Variants in ABCA7 observed in about 807,000 individuals in gnomAD.
ABCA7 encodes ATP binding cassette subfamily A member 7, also known as phospholipid-transporting ATPase ABCA7.
A neutral mutation model predicts 227.6 loss-of-function variants in ABCA7; 261 were observed. The observed-to-expected ratio is 1.15, with a 90% CI of 1.04 to 1.27. The LOEUF is 1.27. ABCA7 is among the 50% of genes most tolerant of loss of function. The probability of loss-of-function intolerance (pLI) is 0.00; values close to 1 mark genes in which losing one functional copy is unlikely to be tolerated. For synonymous variants in ABCA7, 1,488 were observed against 1,279.7 expected, an observed-to-expected ratio of 1.16 and a Z score of -3.47; for missense variants, 3,331 against 2,924.5, an observed-to-expected ratio of 1.14 and a Z score of -3.21.
intron 19 of ABCA7, 23 bp downstream of exon 19, chr19:1,051,075 T>TGCA: frequency 6.2e-7 from 1 of 1,610,080 alleles, no homozygotes; most frequent in Admixed American, 1.7e-5. Flanking sequence ...AGGCCCAGAG[T>TGCA]GCAGCGGTGG....
Position 1,045,025 on chromosome 19 carries a change from G to C in ABCA7, c.1239G>C (p.Glu413Asp). Residue 413 changes from glutamate to aspartate, a missense_variant, in exon 12 of 47, where the codon GAG (glutamate) becomes GAC (aspartate). Glu to Asp is a conservative substitution (Grantham distance 45). Transcript: ENST00000263094. ...AGTGCCTGTCCTTGGACAAGCTGGAGGCGGCACCCTCAGAGGCAGCCCTGG... is the reference window on the plus strand; with the variant it reads ...AGTGCCTGTCCTTGGACAAGCTGGACGCGGCACCCTCAGAGGCAGCCCTGG... ...VTECLSLDKL[E>D]AAPSEAALVS... The C allele has an allele frequency of 6.2e-7, 1 of 1,612,752 alleles. No homozygotes were observed. Among genetic ancestry groups the C allele is most frequent in the Non-Finnish European group, 8.5e-7 (1 of 1,179,958 alleles).
rs2040005658 is a variant in ABCA7 at position 1,041,279 on chromosome 19, G to A, written c.-83G>A. 7 of 1,366,410 alleles carry A rather than the reference G, an allele frequency of 5.1e-6. No homozygotes were observed. Among genetic ancestry groups the A allele is most frequent in the Non-Finnish European group, 7.3e-6 (7 of 958,536 alleles). The allele number at this position is 1,366,410 out of a possible 1,614,324, so 84.6% of individuals were successfully genotyped here. A position where few individuals can be genotyped will look rare whatever the true frequency, so the allele number is the denominator to read the frequency against. Reference sequence around the variant, plus strand: ...AAGGAATGAGGTTCAGAAAGGGGCAGGGAGTTGCCCGCAGCCGCACCGCAC... The same window carrying A: ...AAGGAATGAGGTTCAGAAAGGGGCAAGGAGTTGCCCGCAGCCGCACCGCAC... On this transcript the variant is annotated 5_prime_UTR_variant, in exon 2 of 47. Transcript: ENST00000263094.
intron 6 of ABCA7, 71 bp from the exon 7 acceptor site, chr19:1,042,675 G>A: frequency 6.8e-7 from 1 of 1,479,774 alleles, no homozygotes; most frequent in African/African-American, 1.4e-5. Flanking sequence ...GTCTGCCTGG[G>A]AACTGGCCAG....
chr19:1,045,986 G>T (rs113327101), intron 12 of ABCA7, among the ~76,000 whole-genome samples: 13,576 of 152,264 alleles, frequency 0.089, 714 homozygotes, highest in South Asian at 0.18. Context: ...CAGCCTGGGC[G>T]ATAGAGCGAG....
chr19:1,059,790 C>T (rs191456916), intron 40 of ABCA7, among the ~76,000 whole-genome samples: 1 of 152,026 alleles, frequency 6.6e-6, no homozygotes, highest in Admixed American at 6.6e-5. Context: ...TCTCGATCTC[C>T]TGACCTCATG....
intron 16 of ABCA7, among the ~76,000 whole-genome samples, chr19:1,047,914 C>T (rs1163550397): frequency 8.5e-5 from 13 of 152,318 alleles, no homozygotes; most frequent in Admixed American, 5.9e-4. Context: ...AGTCGCCGGG[C>T]GCTGTGGCTC....
In ABCA7 at chr19:1,047,231, G is replaced by A. The variant is rs2040785028; in HGVS notation, c.1920G>A (p.Val640=). 1.9e-6 allele frequency: 3 copies of A among 1,608,416 alleles called. No homozygotes were observed. The highest frequency in any genetic ancestry group is 3.3e-5 in the Admixed American group (2 of 59,818). The stretch of plus-strand genomic sequence containing the variant: ...TGGCAGCCTTCGCGGTGGCCACGGT[G>A]ACCCAGAGCTTCCTGCTCAGCGCCT... ...LFLAAFAVAT[V]TQSFLLSAFF... The change falls in exon 15 of 47, where the codon GTG becomes GTA. Residue 640 remains valine (V), a synonymous_variant. Transcript: ENST00000263094.
intron 9 of ABCA7, 34 bp downstream of exon 9, chr19:1,043,507 G>T (rs781511863): frequency 6.2e-7 from 1 of 1,612,868 alleles, no homozygotes; most frequent in Admixed American, 1.7e-5. Context: ...GTGGGAGGGT[G>T]GTGGCCAGAG....
At position 1,064,593 on chromosome 19, in the gene ABCA7, CGGGGGTATTTATTGTGTG is replaced by C; in HGVS notation, c.6045-335_6045-318del. 1.6e-5 allele frequency: 5 copies of C among 303,776 alleles called. No homozygotes were observed. The South Asian group carries it at 1.7e-4, about 11-fold the overall frequency. 18.8% of individuals were successfully genotyped at this position (303,776 alleles called of 1,614,324 possible). ...TGGGCGGGGCCATAGGAAAGTGGGGCGGGGGTATTTATTGTGTGGGCGGGGGTAGAGTGCAAGGGCGAA... is the reference window on the plus strand; with the variant it reads ...TGGGCGGGGCCATAGGAAAGTGGGGCGGCGGGGGTAGAGTGCAAGGGCGAA... On this transcript the variant is annotated intron_variant, in intron 45 of 46. Transcript: ENST00000263094.
At chr19:1,057,203 G>A in intron 34 of ABCA7, 111 bp from the exon 35 acceptor site, 1 of 1,552,184 alleles carries the variant, frequency 6.4e-7, no homozygotes, top group Admixed American at 1.7e-5. Flanking sequence ...GATTGTGGGA[G>A]ACTTTGTGCC....
rs1444321087 is a variant in ABCA7, at chr19:1,043,842, G to A, written c.1047+1G>A. On this transcript the variant is annotated splice_donor_variant, in intron 10 of 46. Transcript: ENST00000263094. LOFTEE classifies it high-confidence loss of function. Reference sequence around the variant, plus strand: ...CAGTTCCAATGTGGCCATGCTGCAGGTGTGCGGGGGTGCTGGGGAGGTGGG... The same window carrying A: ...CAGTTCCAATGTGGCCATGCTGCAGATGTGCGGGGGTGCTGGGGAGGTGGG... 6.2e-6 allele frequency: 10 copies of A among 1,612,778 alleles called. No individual in the cohort carries two copies. The highest frequency in any genetic ancestry group is 2.2e-5 in the South Asian group (2 of 91,076).
At chr19:1,057,805 G>T in intron 35 of ABCA7, 110 bp from the exon 36 acceptor site, 2 of 1,335,262 alleles carry the variant, frequency 1.5e-6, no homozygotes, top group South Asian at 2.8e-5. Context: ...AATGTGCTTT[G>T]GGTGAAAATG....
intron 16 of ABCA7, among the ~76,000 whole-genome samples, chr19:1,047,878 C>G (rs2040872450): frequency 6.6e-6 from 1 of 152,188 alleles, no homozygotes; most frequent in East Asian, 1.9e-4. Context: ...CGCCCTGATT[C>G]CAGGTGTATG....
In ABCA7 at chr19:1,049,350, C is replaced by T. The variant is rs1568302230; in HGVS notation, c.2465C>T (p.Pro822Leu). Reference sequence around the variant, plus strand: ...AAGCGCTTTCCTGGAAGCCCGCAGCCAGCCCTGCGGGGGCTCAGCCTGGAC... The same window carrying T: ...AAGCGCTTTCCTGGAAGCCCGCAGCTAGCCCTGCGGGGGCTCAGCCTGGAC... The part of the protein sequence containing the change: ...LEKRFPGSPQ[P>L]ALRGLSLDFY... The change falls in exon 18 of 47, where the codon CCA (proline) becomes CTA (leucine). Residue 822 changes from proline (P) to leucine (L), a missense_variant. Coordinates refer to ENST00000263094, the MANE Select transcript of ABCA7 (RefSeq NM_019112.4). The T allele has an allele frequency of 1.9e-6, 3 of 1,611,632 alleles. No homozygotes were observed. The highest frequency in any genetic ancestry group is 2.2e-5 in the East Asian group (1 of 44,866).
chr19:1,057,348 T>C lies in ABCA7; in HGVS notation c.4799T>C (p.Leu1600Pro), dbSNP rs199501189. The C allele has an allele frequency of 8.1e-6, 13 of 1,613,960 alleles. No individual in the cohort carries two copies. Among genetic ancestry groups the C allele is most frequent in the Non-Finnish European group, 1.1e-5 (13 of 1,180,008 alleles). Residue 1600 changes from leucine to proline, a missense_variant, in exon 35 of 47, where the codon CTC (leucine) becomes CCC (proline). Physicochemically the swap from Leu to Pro is moderately conservative, Grantham distance 98. Transcript: ENST00000263094. ...TTGGTGCCAGCATGCATCGTGGTGCTCATCTTTCTGGCCTTCCAGCAGAGG... is the reference window on the plus strand; with the variant it reads ...TTGGTGCCAGCATGCATCGTGGTGCCCATCTTTCTGGCCTTCCAGCAGAGG... ...NYLVPACIVV[L>P]IFLAFQQRAY...
intron 42 of ABCA7, 69 bp from the exon 43 acceptor site, chr19:1,063,475 G>C: frequency 6.4e-7 from 1 of 1,560,354 alleles, no homozygotes; most frequent in Non-Finnish European, 8.7e-7. Flanking sequence ...TGCTGGCCCC[G>C]CCACACTGTG....
Position 1,063,691 on chromosome 19 carries a change from G to T in ABCA7, c.5847+13G>T. 6.3e-7 allele frequency: 1 copy of T among 1,577,760 alleles called. No individual in the cohort carries two copies. The highest frequency in any genetic ancestry group is 8.6e-7 in the Non-Finnish European group (1 of 1,163,394). On this transcript the variant is annotated intron_variant, in intron 43 of 46. Transcript: ENST00000263094. Reference sequence around the variant, plus strand: ...CGTGGTGTTTCTGGTGCGTGGGAGCGGTGCCTGGGTGGGGTGGGGCCTGCG... The same window carrying T: ...CGTGGTGTTTCTGGTGCGTGGGAGCTGTGCCTGGGTGGGGTGGGGCCTGCG...
chr19:1,041,203 C>A, intron 1 of ABCA7, 22 bp from the exon 2 acceptor site: 1 of 757,824 alleles, frequency 1.3e-6, no homozygotes, highest in Non-Finnish European at 2.3e-6. Context: ...CGAGTGACTA[C>A]TGTTTGCCTC....
At chr19:1,049,087 A>C in intron 17 of ABCA7, 82 bp downstream of exon 17, 1 of 970,542 alleles carries the variant, frequency 1.0e-6, no homozygotes, top group Non-Finnish European at 1.5e-6. Flanking sequence ...GATGCCAATG[A>C]CAATGACCTG....
Sources: gnomAD v4.1 joint callset for allele counts (sites outside exome capture counted in the v4.1 genomes callset) on GRCh38, gnomAD v4.1.1 for gene constraint, MANE v1.5 for transcripts, NCBI Gene and HGNC (gene_info 2026-07-23, HGNC 2026-07-21) for gene names.